LHFPL5: variants seen among roughly 807,000 people sequenced by gnomAD.
LHFPL5 encodes LHFPL tetraspan subfamily member 5.
A neutral mutation model predicts 18.7 loss-of-function variants in LHFPL5; 12 were observed. The ratio of observed to expected loss-of-function variants is 0.64; its 90% CI spans 0.41 to 1.04. The LOEUF (loss-of-function observed/expected upper bound fraction) is 1.04. LHFPL5 is among the 50% of genes least tolerant of loss of function. The pLI, the probability that LHFPL5 is intolerant of heterozygous loss-of-function variation, is 0.00. For synonymous variants in LHFPL5, 111 were observed against 120.2 expected, an observed-to-expected ratio of 0.92 and a Z score of 0.50; for missense variants, 259 against 292.1, an observed-to-expected ratio of 0.89 and a Z score of 0.83.
chr6:35,809,790 C>T (rs1288775550), intron 1 of LHFPL5, among the ~76,000 whole-genome samples: 1 of 152,200 alleles, frequency 6.6e-6, no homozygotes, highest in Non-Finnish European at 1.5e-5. Context: ...AGGCGTGAGC[C>T]ACCGCACCCG....
At chr6:35,807,467 T>C (rs1768590341) in intron 1 of LHFPL5, among the ~76,000 whole-genome samples, 2 of 152,022 alleles carry the variant, frequency 1.3e-5, no homozygotes, top group African/African-American at 4.8e-5. Flanking sequence ...GGTACCTTGG[T>C]CCCTGCACAC....
intron 3 of LHFPL5, among the ~76,000 whole-genome samples, chr6:35,820,185 T>C (rs1768840478): frequency 1.3e-5 from 2 of 152,284 alleles, no homozygotes; most frequent in South Asian, 2.1e-4. Context: ...ATAAAAGTCA[T>C]AGACAGAAAA....
Position 35,805,539 on chromosome 6 carries a change from A to G in LHFPL5, c.-132A>G, listed in dbSNP as rs143126474. ...AGCCTCTTCCCCTTGCCTTGAAGGG[A>G]CCTCACCTGGTGCCCTGACCTCAGC... On this transcript the variant is annotated 5_prime_UTR_variant, in exon 1 of 4. Coordinates refer to ENST00000360215, the MANE Select transcript of LHFPL5 (RefSeq NM_182548.4). The surrounding 1 kb of genome is among the most constrained non-coding windows in gnomAD (Gnocchi z 4.3). 5.8e-3 allele frequency: 4,952 copies of G among 846,592 alleles called. 28 individuals are homozygous for G. Among genetic ancestry groups the G allele is most frequent in the Non-Finnish European group, 7.7e-3 (3,973 of 518,512 alleles). The allele number at this position is 846,592 out of a possible 1,614,324, so 52.4% of individuals were successfully genotyped here.
intron 1 of LHFPL5, among the ~76,000 whole-genome samples, chr6:35,813,239 A>ATTTTTT (rs35884324): frequency 2.1e-4 from 12 of 56,322 alleles, no homozygotes; most frequent in African/African-American, 3.3e-4. Flanking sequence ...AGGAACTAGC[A>ATTTTTT]TTTTTTTTTT....
At chr6:35,818,891 G>A (rs1026750281) in intron 2 of LHFPL5, among the ~76,000 whole-genome samples, 6 of 151,878 alleles carry the variant, frequency 4.0e-5, no homozygotes, top group African/African-American at 9.7e-5. Context: ...GAGTGCAGTG[G>A]CGTGATCTGG....
chr6:35,810,981 G>A (rs760916556), intron 1 of LHFPL5, among the ~76,000 whole-genome samples: 71 of 152,290 alleles, frequency 4.7e-4, no homozygotes, highest in Non-Finnish European at 8.7e-4. Flanking sequence ...TGCCAACCGG[G>A]GATCGGTGGG....
intron 1 of LHFPL5, among the ~76,000 whole-genome samples, chr6:35,812,365 A>C (rs1345415295): frequency 6.6e-6 from 1 of 152,194 alleles, no homozygotes; most frequent in Non-Finnish European, 1.5e-5. Flanking sequence ...GAGAGCCTCC[A>C]GACCTGTGGG....
At chr6:35,813,316 G>A (rs2151070506) in intron 1 of LHFPL5, among the ~76,000 whole-genome samples, 1 of 144,006 alleles carries the variant, frequency 6.9e-6, no homozygotes, top group African/African-American at 2.6e-5. Flanking sequence ...CGCCATCTCG[G>A]CTCACTGTAG....
At chr6:35,813,298 T>A (rs1768700659) in intron 1 of LHFPL5, among the ~76,000 whole-genome samples, 1 of 126,806 alleles carries the variant, frequency 7.9e-6, no homozygotes. Context: ...CAGGCTGGAG[T>A]GCAGGGGCGC....
chr6:35,823,595 T>G lies in LHFPL5; in HGVS notation c.*630T>G, dbSNP rs1768919478. 6.6e-6 allele frequency: 1 copy of G among 151,474 alleles called. No individual in the cohort carries two copies. Among genetic ancestry groups the G allele is most frequent in the Admixed American group, 6.6e-5 (1 of 15,102 alleles). The allele number at this position is 151,474 out of a possible 1,614,324, so 9.4% of individuals were successfully genotyped here. A position where few individuals can be genotyped will look rare whatever the true frequency, so the allele number is the denominator to read the frequency against. ...TGAGGTGTAGGGGGTCTTTTGCTTCTCCCTTCTCATATTTTGTTTTCTTAT... is the reference window on the plus strand; with the variant it reads ...TGAGGTGTAGGGGGTCTTTTGCTTCGCCCTTCTCATATTTTGTTTTCTTAT... On this transcript the variant is annotated 3_prime_UTR_variant, in exon 4 of 4. Coordinates refer to ENST00000360215, the MANE Select transcript of LHFPL5 (RefSeq NM_182548.4).
intron 1 of LHFPL5, among the ~76,000 whole-genome samples, chr6:35,813,906 C>T (rs1448662521): frequency 6.6e-6 from 1 of 150,836 alleles, no homozygotes; most frequent in Non-Finnish European, 1.5e-5. Flanking sequence ...AAGCTACTCT[C>T]CTGCCTCAGC....
chr6:35,818,934 C>T (rs1189132221), intron 2 of LHFPL5, among the ~76,000 whole-genome samples: 3 of 152,182 alleles, frequency 2.0e-5, no homozygotes, highest in South Asian at 2.1e-4. Context: ...CATTTTCAAG[C>T]GATTCTCCTG....
At chr6:35,816,458 C>T (rs925393542) in intron 2 of LHFPL5, among the ~76,000 whole-genome samples, 1 of 152,060 alleles carries the variant, frequency 6.6e-6, no homozygotes, top group Non-Finnish European at 1.5e-5. Context: ...CCTATAGTTC[C>T]TGGGTCAGGG....
In LHFPL5 at chr6:35,805,752, A is replaced by T. The variant is rs1768557675; in HGVS notation, c.82A>T (p.Met28Leu). Residue 28 changes from methionine (M) to leucine (L), a missense_variant, in exon 1 of 4, where the codon ATG (methionine) becomes TTG (leucine). Coordinates refer to ENST00000360215, the MANE Select transcript of LHFPL5 (RefSeq NM_182548.4). This position sits in a 1 kb window ranked among gnomAD's most constrained non-coding sequence, Gnocchi z 4.3. ...GCGGAACTCGCGAGCCGTGGGCGTGATGTGGGGTACCCTCACCATCTGCTT... is the reference window on the plus strand; with the variant it reads ...GCGGAACTCGCGAGCCGTGGGCGTGTTGTGGGGTACCCTCACCATCTGCTT... Reference protein sequence around the residue: ...YVRNSRAVGVMWGTLTICFSV... With the variant: ...YVRNSRAVGVLWGTLTICFSV... 3 of 1,614,166 alleles carry T rather than the reference A, an allele frequency of 1.9e-6. No individual in the cohort carries two copies. The highest frequency in any genetic ancestry group is 2.5e-6 in the Non-Finnish European group (3 of 1,180,030).
intron 1 of LHFPL5, chr6:35,811,332 A>G (rs1429003723): frequency 6.6e-6 from 1 of 152,248 alleles, no homozygotes; most frequent in Non-Finnish European, 1.5e-5. Context: ...CTTTCCATGT[A>G]CAAGACATCA....
chr6:35,810,776 A>G (rs1768651937), intron 1 of LHFPL5, among the ~76,000 whole-genome samples: 1 of 151,052 alleles, frequency 6.6e-6, no homozygotes, highest in Non-Finnish European at 1.5e-5. Flanking sequence ...GCAGTGAGCC[A>G]AGATCGCGCC....
chr6:35,823,295 TCTC>T lies in LHFPL5; in HGVS notation c.*334_*336del, dbSNP rs1768900303. ...CAAATCGCTTCACCTTCTTGAAGCC[TCTC>T]CTCTGTAAAGCGAGAGGGCTAAATG... is the stretch of plus-strand genomic sequence containing the variant. On this transcript the variant is annotated 3_prime_UTR_variant, in exon 4 of 4. Transcript: ENST00000360215. 6.6e-6 allele frequency: 1 copy of T among 151,868 alleles called. No homozygotes were observed. Among genetic ancestry groups the T allele is most frequent in the Admixed American group, 6.6e-5 (1 of 15,168 alleles). 9.4% of individuals were successfully genotyped at this position (151,868 alleles called of 1,614,324 possible).
chr6:35,805,577 C>T lies in LHFPL5; in HGVS notation c.-94C>T. On this transcript the variant is annotated 5_prime_UTR_variant, in exon 1 of 4. Coordinates refer to ENST00000360215, the MANE Select transcript of LHFPL5 (RefSeq NM_182548.4). The surrounding 1 kb of genome is among the most constrained non-coding windows in gnomAD (Gnocchi z 4.3). ...CCCTGACCTCAGCCTCCTCCCCAAA[C>T]CCCGCTGGGGAGTGACCTGCTTCTA... is the stretch of plus-strand genomic sequence containing the variant. The T allele has an allele frequency of 7.1e-7, 1 of 1,408,342 alleles. No individual in the cohort carries two copies. The highest frequency in any genetic ancestry group is 1.2e-5 in the South Asian group (1 of 85,014). The allele number at this position is 1,408,342 out of a possible 1,614,324, so 87.2% of individuals were successfully genotyped here.
chr6:35,810,826 C>CAAA (rs11339201), intron 1 of LHFPL5, among the ~76,000 whole-genome samples: 3 of 87,758 alleles, frequency 3.4e-5, no homozygotes, highest in Admixed American at 1.2e-4. Flanking sequence ...GACTCCGTCT[C>CAAA]AAAAAAAAAA....
Sources: gnomAD v4.1 joint callset for allele counts (sites outside exome capture counted in the v4.1 genomes callset) on GRCh38, gnomAD v4.1.1 for gene constraint, Gnocchi (gnomAD v3.1) non-coding constraint, MANE v1.5 for transcripts, NCBI Gene and HGNC (gene_info 2026-07-23, HGNC 2026-07-21) for gene names.